ABCA12: variants seen among roughly 807,000 people sequenced by gnomAD.
ABCA12 encodes ATP binding cassette subfamily A member 12, also known as glucosylceramide transporter ABCA12.
In ABCA12, 156 loss-of-function variants were observed where a neutral mutation model predicts 293.5. That is an observed-to-expected ratio of 0.53 (90% CI 0.47 to 0.61). The LOEUF is 0.61. ABCA12 is among the 20% of genes least tolerant of loss of function. The pLI is 0.00. For synonymous variants in ABCA12, 1,063 were observed against 1,108.0 expected, an observed-to-expected ratio of 0.96 and a Z score of 0.81; for missense variants, 2,797 against 3,090.2, an observed-to-expected ratio of 0.91 and a Z score of 2.25.
chr2:214,985,357 G>A (rs966112790), intron 28 of ABCA12, among the ~76,000 whole-genome samples: 3 of 152,126 alleles, frequency 2.0e-5, no homozygotes, highest in Admixed American at 2.0e-4. Flanking sequence ...TAAATGATGA[G>A]AATACACGGA....
At chr2:215,116,262 T>A (rs1702684142) in intron 1 of ABCA12, among the ~76,000 whole-genome samples, 1 of 152,086 alleles carries the variant, frequency 6.6e-6, no homozygotes, top group African/African-American at 2.4e-5. Context: ...CACCTATTTT[T>A]CCAAAAAAAA....
At chr2:215,132,088 T>C (rs973222737) in intron 1 of ABCA12, among the ~76,000 whole-genome samples, 9 of 152,094 alleles carry the variant, frequency 5.9e-5, no homozygotes, top group Admixed American at 4.6e-4. Context: ...TACTCCACTG[T>C]GGTCCAAGAA....
At chr2:215,069,668 GGA>G (rs1168519569) in intron 2 of ABCA12, among the ~76,000 whole-genome samples, 1 of 152,080 alleles carries the variant, frequency 6.6e-6, no homozygotes, top group African/African-American at 2.4e-5. Context: ...CTTACTGAGG[GGA>G]GGTGTCCTGT....
Position 214,978,300 on chromosome 2 carries a change from CA to C in ABCA12, c.5128+15del. 6.2e-7 allele frequency: 1 copy of C among 1,613,686 alleles called. No homozygotes were observed. The highest frequency in any genetic ancestry group is 2.2e-5 in the East Asian group (1 of 44,836). ...ATCCATTGGAATTAAACAAAATATC[CA>C]CATTAGATTCATACCATCTCTGTCT... On this transcript the variant is annotated intron_variant, in intron 33 of 52. Coordinates refer to ENST00000272895, the MANE Select transcript of ABCA12 (RefSeq NM_173076.3).
intron 22 of ABCA12, among the ~76,000 whole-genome samples, chr2:215,000,370 A>G (rs1005184020): frequency 6.6e-6 from 1 of 152,154 alleles, no homozygotes; most frequent in African/African-American, 2.4e-5. Context: ...TCATTTGACT[A>G]GAGGGAGGTA....
chr2:215,130,982 T>C (rs1703042059), intron 1 of ABCA12, among the ~76,000 whole-genome samples: 1 of 152,116 alleles, frequency 6.6e-6, no homozygotes, highest in Admixed American at 6.5e-5. Context: ...TGGAATTCTT[T>C]TTCTGCATCT....
chr2:215,091,197 T>G (rs1174487124), intron 2 of ABCA12, among the ~76,000 whole-genome samples: 1 of 152,116 alleles, frequency 6.6e-6, no homozygotes, highest in Non-Finnish European at 1.5e-5. Context: ...CCTCTTTTTC[T>G]ATGGGCCCAT....
chr2:214,939,637 C>T (rs529521543), intron 50 of ABCA12, among the ~76,000 whole-genome samples: 2 of 152,242 alleles, frequency 1.3e-5, no homozygotes, highest in African/African-American at 2.4e-5. Flanking sequence ...TCTCTTATTT[C>T]CTTGAGCAGT....
intron 2 of ABCA12, among the ~76,000 whole-genome samples, chr2:215,071,136 G>T (rs988300329): frequency 6.6e-6 from 1 of 151,374 alleles, no homozygotes; most frequent in Admixed American, 6.6e-5. Context: ...GTTCAAGGCT[G>T]CAGTGAGCCA....
chr2:215,129,196 G>A (rs1162298889), intron 1 of ABCA12, among the ~76,000 whole-genome samples: 1 of 152,200 alleles, frequency 6.6e-6, no homozygotes, highest in Non-Finnish European at 1.5e-5. Context: ...AGCTTCTCCT[G>A]TGGAGGTGTG....
intron 22 of ABCA12, 39 bp downstream of exon 22, chr2:215,000,665 GT>G (rs1275148990): frequency 6.2e-7 from 1 of 1,610,086 alleles, no homozygotes; most frequent in African/African-American, 1.3e-5. Context: ...TCTCAGAAAA[GT>G]TGTTGATCAT....
chr2:215,012,453 GGAAAT>G (rs1222180870), intron 15 of ABCA12, among the ~76,000 whole-genome samples: 1 of 151,948 alleles, frequency 6.6e-6, no homozygotes, highest in Non-Finnish European at 1.5e-5. Context: ...GGCAATAAAA[GGAAAT>G]GAAATACTGA....
At chr2:215,112,498 TTTTTTTTTG>T (rs1341483008) in intron 1 of ABCA12, among the ~76,000 whole-genome samples, 29 of 45,454 alleles carry the variant, frequency 6.4e-4, no homozygotes, top group Admixed American at 1.8e-3. Context: ...TTTTTTTTTG[TTTTTTTTTG>T]TTTTTTTTTG....
intron 6 of ABCA12, among the ~76,000 whole-genome samples, chr2:215,046,303 T>C (rs1160142551): frequency 6.6e-6 from 1 of 151,446 alleles, no homozygotes; most frequent in African/African-American, 2.4e-5. Flanking sequence ...AAATTAAAAT[T>C]AAGTTCCTAA....
chr2:215,118,998 C>A (rs762954525), intron 1 of ABCA12, among the ~76,000 whole-genome samples: 57 of 152,142 alleles, frequency 3.7e-4, no homozygotes, highest in Non-Finnish European at 6.9e-4. Context: ...ATTTTTGAGA[C>A]CGATTCTCAC....
At chr2:215,029,211 A>C (rs1304243143) in intron 9 of ABCA12, 1 of 152,076 alleles carries the variant, frequency 6.6e-6, no homozygotes, top group Non-Finnish European at 1.5e-5. Context: ...ATCACAGAAT[A>C]TCTAGCATTT....
intron 44 of ABCA12, 82 bp downstream of exon 44, chr2:214,953,772 G>A: frequency 1.3e-6 from 2 of 1,535,822 alleles, no homozygotes; most frequent in South Asian, 1.2e-5. Context: ...CAATGGAAAA[G>A]CTTAGACTAT....
intron 1 of ABCA12, among the ~76,000 whole-genome samples, chr2:215,125,457 A>G (rs1481513573): frequency 6.6e-6 from 1 of 151,860 alleles, no homozygotes; most frequent in African/African-American, 2.4e-5. Flanking sequence ...ATTTGTTTTC[A>G]TTGTCTATGA....
intron 17 of ABCA12, among the ~76,000 whole-genome samples, 158 bp downstream of exon 17, chr2:215,011,281 T>C (rs1025924826): frequency 2.3e-4 from 35 of 152,222 alleles, no homozygotes; most frequent in Admixed American, 2.0e-3. Flanking sequence ...TTAATGTATA[T>C]AACATTCTTG....
Sources: gnomAD v4.1 joint callset for allele counts (sites outside exome capture counted in the v4.1 genomes callset) on GRCh38, gnomAD v4.1.1 for gene constraint, MANE v1.5 for transcripts, NCBI Gene and HGNC (gene_info 2026-07-23, HGNC 2026-07-21) for gene names.